RASSF9: variants seen among roughly 807,000 people sequenced by gnomAD.
RASSF9 encodes Ras association domain family member 9.
Under a neutral mutation model 21.4 loss-of-function variants are expected in RASSF9, and 18 were observed. The observed-to-expected ratio is 0.84, with a 90% CI of 0.58 to 1.25. RASSF9 has a LOEUF of 1.25. RASSF9 is among the 50% of genes most tolerant of loss of function. RASSF9 has a pLI of 0.00. For synonymous variants in RASSF9, 183 were observed against 179.1 expected, an observed-to-expected ratio of 1.02 and a Z score of -0.18; for missense variants, 480 against 503.2, an observed-to-expected ratio of 0.95 and a Z score of 0.44.
At chr12:85,806,213 A>ATT (rs376246716) in intron 1 of RASSF9, among the ~76,000 whole-genome samples, 15 of 147,446 alleles carry the variant, frequency 1.0e-4, no homozygotes, top group South Asian at 2.2e-4. Flanking sequence ...GGCCCGGCTA[A>ATT]TTTTTTTTTT....
intron 1 of RASSF9, among the ~76,000 whole-genome samples, chr12:85,821,035 T>C (rs1409796102): frequency 1.3e-5 from 2 of 152,016 alleles, no homozygotes; most frequent in Non-Finnish European, 2.9e-5. Context: ...TCCCAGCTAC[T>C]TGGGAGGCTG....
intron 1 of RASSF9, among the ~76,000 whole-genome samples, chr12:85,820,560 T>G (rs1880184157): frequency 6.6e-6 from 1 of 151,958 alleles, no homozygotes; most frequent in African/African-American, 2.4e-5. Context: ...AAATTCAACT[T>G]TTTTTACCAT....
chr12:85,835,720 A>G (rs1880545452), intron 1 of RASSF9, among the ~76,000 whole-genome samples: 1 of 152,332 alleles, frequency 6.6e-6, no homozygotes, highest in South Asian at 2.1e-4. Flanking sequence ...CTTAGTGGCT[A>G]TAAATACTAG....
rs946548347 is a variant in RASSF9, at chr12:85,802,098, A to T, written c.*2604T>A. On this transcript the variant is annotated 3_prime_UTR_variant, in exon 2 of 2. Transcript: ENST00000361228. ...CAAGGATGAATCTAGGTCCTGTTAC[A>T]GAAATTAAGAATAGTCAGCTTTGGT... 3.3e-5 allele frequency: 5 copies of T among 152,230 alleles called. No individual in the cohort carries two copies. The highest frequency in any genetic ancestry group is 2.6e-4 in the Admixed American group (4 of 15,282). 9.4% of individuals were successfully genotyped at this position (152,230 alleles called of 1,614,324 possible). A position where few individuals can be genotyped will look rare whatever the true frequency, so the allele number is the denominator to read the frequency against.
chr12:85,807,110 A>G (rs1879853010), intron 1 of RASSF9, among the ~76,000 whole-genome samples: 1 of 152,166 alleles, frequency 6.6e-6, no homozygotes, highest in South Asian at 2.1e-4. Context: ...AGTGCTTAGG[A>G]CAGTCTTCCC....
intron 1 of RASSF9, among the ~76,000 whole-genome samples, chr12:85,824,023 G>C (rs1201828732): frequency 1.3e-5 from 2 of 152,156 alleles, no homozygotes; most frequent in Admixed American, 6.5e-5. Context: ...TGCAATAATA[G>C]TTGCAGTCTG....
intron 1 of RASSF9, among the ~76,000 whole-genome samples, chr12:85,809,744 C>A (rs1282470522): frequency 6.6e-6 from 1 of 151,384 alleles, no homozygotes; most frequent in African/African-American, 2.4e-5. Context: ...CTCCCATGAC[C>A]CCTATTCCAA....
chr12:85,805,152 T>A lies in RASSF9; in HGVS notation c.858A>T (p.Glu286Asp). Residue 286 changes from glutamate to aspartate, a missense_variant, in exon 2 of 2, where the codon GAA (glutamate) becomes GAT (aspartate). By Grantham distance (45) the Glu-to-Asp change is conservative. Coordinates refer to ENST00000361228, the MANE Select transcript of RASSF9 (RefSeq NM_005447.4). ...YRILIDKLSA[E>D]IEKEVKSVCI... ...AAACACTTTTTACCTCTTTTTCTATTTCAGCAGAGAGCTTATCAATGAGTA... is the reference window on the plus strand; with the variant it reads ...AAACACTTTTTACCTCTTTTTCTATATCAGCAGAGAGCTTATCAATGAGTA... 1.2e-6 allele frequency: 2 copies of A among 1,613,942 alleles called. No individual in the cohort carries two copies. Among genetic ancestry groups the A allele is most frequent in the Non-Finnish European group, 1.7e-6 (2 of 1,179,888 alleles).
At chr12:85,818,745 G>C (rs963344867) in intron 1 of RASSF9, among the ~76,000 whole-genome samples, 1 of 151,978 alleles carries the variant, frequency 6.6e-6, no homozygotes, top group African/African-American at 2.4e-5. Context: ...CGGATCATGA[G>C]GTCAAGAAAT....
At chr12:85,832,968 A>G (rs1673019804) in intron 1 of RASSF9, among the ~76,000 whole-genome samples, 1 of 151,882 alleles carries the variant, frequency 6.6e-6, no homozygotes, top group African/African-American at 2.4e-5. Flanking sequence ...TTTCTATGAA[A>G]GTTTGAAATG....
chr12:85,818,326 T>G lies in RASSF9; in HGVS notation c.48-12364A>C, dbSNP rs1592530378. On this transcript the variant is annotated intron_variant, in intron 1 of 1. Transcript: ENST00000361228. Reference sequence around the variant, plus strand: ...GAGGCACAAGAGATTGTTTGTTCAATGCTACCCTCAGCTAATAAGTGGAGT... The same window carrying G: ...GAGGCACAAGAGATTGTTTGTTCAAGGCTACCCTCAGCTAATAAGTGGAGT... Among the ~76,000 whole-genome samples, 4 of 152,206 alleles carry G rather than the reference T, an allele frequency of 2.6e-5. 1 individual carries two copies. In the South Asian group the frequency reaches 8.3e-4, roughly 31 times the overall value.
intron 1 of RASSF9, among the ~76,000 whole-genome samples, chr12:85,816,645 A>G (rs1880071793): frequency 6.6e-6 from 1 of 152,170 alleles, no homozygotes; most frequent in South Asian, 2.1e-4. Context: ...TTATTCACCT[A>G]TATGTGTTTG....
In RASSF9 at chr12:85,804,312, T is replaced by C. The variant is rs546495840; in HGVS notation, c.*390A>G. The C allele has an allele frequency of 6.1e-6, 1 of 163,320 alleles. No homozygotes were observed. The highest frequency in any genetic ancestry group is 1.3e-5 in the Non-Finnish European group (1 of 75,340). The allele number at this position is 163,320 out of a possible 1,614,324, so 10.1% of individuals were successfully genotyped here. A position where few individuals can be genotyped will look rare whatever the true frequency, so the allele number is the denominator to read the frequency against. Reference sequence around the variant, plus strand: ...TTCCAATTATACAGTGTTGGAAAAATATATATTACAGCACATTTTAATTCT... The same window carrying C: ...TTCCAATTATACAGTGTTGGAAAAACATATATTACAGCACATTTTAATTCT... On this transcript the variant is annotated 3_prime_UTR_variant, in exon 2 of 2. Coordinates refer to ENST00000361228, the MANE Select transcript of RASSF9 (RefSeq NM_005447.4).
intron 1 of RASSF9, among the ~76,000 whole-genome samples, chr12:85,807,356 T>C (rs768607694): frequency 1.3e-5 from 2 of 152,072 alleles, no homozygotes; most frequent in Non-Finnish European, 2.9e-5. Flanking sequence ...CTCCATCCCC[T>C]ACTTTAGAGA....
At chr12:85,835,851 T>TAAAC (rs1184919461) in intron 1 of RASSF9, among the ~76,000 whole-genome samples, 4 of 152,178 alleles carry the variant, frequency 2.6e-5, no homozygotes, top group Non-Finnish European at 4.4e-5. Context: ...AAACTGTTTA[T>TAAAC]GTTGCTAGTT....
intron 1 of RASSF9, among the ~76,000 whole-genome samples, chr12:85,807,292 G>A (rs532021733): frequency 2.6e-5 from 4 of 152,242 alleles, no homozygotes; most frequent in Admixed American, 2.0e-4. Context: ...CTGGTGGGAA[G>A]GAGAGATTAA....
At chr12:85,826,575 G>T (rs988562948) in intron 1 of RASSF9, among the ~76,000 whole-genome samples, 10 of 151,502 alleles carry the variant, frequency 6.6e-5, no homozygotes, top group African/African-American at 1.9e-4. Context: ...AGCCTCCCGA[G>T]TAGCTGGGAT....
intron 1 of RASSF9, among the ~76,000 whole-genome samples, chr12:85,828,957 A>G (rs1880393694): frequency 6.6e-6 from 1 of 152,142 alleles, no homozygotes; most frequent in Non-Finnish European, 1.5e-5. Flanking sequence ...AAAACACAAG[A>G]TCTTATGTAC....
intron 1 of RASSF9, among the ~76,000 whole-genome samples, chr12:85,827,532 C>T (rs1408087806): frequency 1.3e-5 from 2 of 152,128 alleles, no homozygotes; most frequent in Non-Finnish European, 2.9e-5. Context: ...ATGGATTTCC[C>T]TTGCATTTAA....
Sources: allele counts gnomAD v4.1 joint callset (sites outside exome capture counted in the v4.1 genomes callset), GRCh38; gene constraint gnomAD v4.1.1; transcripts MANE v1.5; gene names NCBI Gene and HGNC (gene_info 2026-07-23, HGNC 2026-07-21).